The following METTL25 variants were observed in gnomAD, a reference collection of about 807,000 sequenced individuals.
METTL25 encodes methyltransferase like 25, also known as probable methyltransferase-like protein 25.
Under a neutral mutation model 71.6 loss-of-function variants are expected in METTL25, and 64 were observed. That is an observed-to-expected ratio of 0.89 (90% CI 0.73 to 1.10). METTL25 has a LOEUF of 1.10. Ranked by LOEUF, METTL25 falls within the 50% of genes least tolerant of loss-of-function variation. METTL25 has a pLI of 0.00. For synonymous variants in METTL25, 287 were observed against 250.3 expected, an observed-to-expected ratio of 1.15 and a Z score of -1.38; for missense variants, 807 against 707.0, an observed-to-expected ratio of 1.14 and a Z score of -1.60.
rs747661533 is a variant in METTL25 at position 82,477,263 on chromosome 12, C to CT, written c.1648-17dup. On this transcript the variant is annotated splice_polypyrimidine_tract_variant and intron_variant, in intron 10 of 11. Coordinates refer to ENST00000248306, the MANE Select transcript of METTL25 (RefSeq NM_032230.3). Reference sequence around the variant, plus strand: ...TTTTAAGTACCACCAACCTACCTATCTAATTTTTTTATTTTAGTTGAAAGT... The same window carrying CT: ...TTTTAAGTACCACCAACCTACCTATCTTAATTTTTTTATTTTAGTTGAAAGT... 6 of 1,328,774 alleles carry CT rather than the reference C, an allele frequency of 4.5e-6. No individual in the cohort carries two copies. The South Asian group carries it at 7.0e-5, about 15-fold the overall frequency. The allele number at this position is 1,328,774 out of a possible 1,614,324, so 82.3% of individuals were successfully genotyped here. A position where few individuals can be genotyped will look rare whatever the true frequency, so the allele number is the denominator to read the frequency against.
intron 1 of METTL25, among the ~76,000 whole-genome samples, chr12:82,361,163 ATT>A (rs1263449604): frequency 6.6e-6 from 1 of 152,092 alleles, no homozygotes; most frequent in Non-Finnish European, 1.5e-5. Context: ...TGATTGGTGC[ATT>A]TACAATCCCT....
chr12:82,423,935 C>G (rs7968677), intron 5 of METTL25, among the ~76,000 whole-genome samples: 140,195 of 152,210 alleles, frequency 0.92, 64,922 homozygotes, highest in East Asian at 1. Flanking sequence ...TACACTGTTG[C>G]TGGGACTGTA....
chr12:82,453,498 C>A (rs935905830), intron 8 of METTL25, among the ~76,000 whole-genome samples: 1 of 152,096 alleles, frequency 6.6e-6, no homozygotes, highest in African/African-American at 2.4e-5. Context: ...ACTTTAAAAT[C>A]TTTAAAATGG....
intron 9 of METTL25, chr12:82,469,091 A>G (rs558212056): frequency 1.5e-4 from 23 of 152,310 alleles, no homozygotes; most frequent in African/African-American, 5.1e-4. Flanking sequence ...TGACATAACA[A>G]TCAAACTCAT....
intron 1 of METTL25, among the ~76,000 whole-genome samples, chr12:82,368,716 T>A (rs1275084653): frequency 6.6e-6 from 1 of 152,220 alleles, no homozygotes; most frequent in Non-Finnish European, 1.5e-5. Context: ...ATACAATGAT[T>A]TAAATATTTT....
At chr12:82,467,792 G>T (rs1248024408) in intron 9 of METTL25, among the ~76,000 whole-genome samples, 1 of 151,756 alleles carries the variant, frequency 6.6e-6, no homozygotes, top group Non-Finnish European at 1.5e-5. Context: ...ATCTATTTGG[G>T]GTCTTTGAGC....
chr12:82,394,197 C>G (rs1333297688), intron 3 of METTL25, among the ~76,000 whole-genome samples: 2 of 152,066 alleles, frequency 1.3e-5, no homozygotes, highest in East Asian at 3.9e-4. Context: ...CAAATGTCTA[C>G]TATGTCCATT....
At chr12:82,437,611 C>T (rs150681478) in intron 7 of METTL25, among the ~76,000 whole-genome samples, 183 of 151,778 alleles carry the variant, frequency 1.2e-3, no homozygotes, top group African/African-American at 4.4e-3. Flanking sequence ...CTATAAACTC[C>T]ATCTGAATTA....
At chr12:82,379,237 CTAAG>C (rs1440277795) in intron 1 of METTL25, among the ~76,000 whole-genome samples, 2 of 151,952 alleles carry the variant, frequency 1.3e-5, no homozygotes, top group East Asian at 3.9e-4. Flanking sequence ...AAATGACAAC[CTAAG>C]TAAGAAATGA....
intron 5 of METTL25, chr12:82,408,095 A>G (rs541164175): frequency 8.1e-5 from 21 of 258,294 alleles, no homozygotes; most frequent in Admixed American, 3.9e-4. Flanking sequence ...GGACTTGAAT[A>G]TAAGTATGAT....
intron 7 of METTL25, among the ~76,000 whole-genome samples, chr12:82,437,547 A>AG (rs1386715324): frequency 6.6e-6 from 1 of 151,710 alleles, no homozygotes; most frequent in African/African-American, 2.4e-5. Flanking sequence ...ATGTTAAATA[A>AG]GGGAGAGGGG....
At chr12:82,381,177 T>A (rs1884410706) in intron 1 of METTL25, among the ~76,000 whole-genome samples, 1 of 152,258 alleles carries the variant, frequency 6.6e-6, no homozygotes, top group South Asian at 2.1e-4. Context: ...CTGAATTGTT[T>A]ATTTTTTATT....
intron 4 of METTL25, among the ~76,000 whole-genome samples, chr12:82,402,609 T>C (rs750003054): frequency 2.8e-4 from 42 of 152,176 alleles, no homozygotes; most frequent in Non-Finnish European, 4.9e-4. Context: ...TAGAATACTT[T>C]CTAGGTAGAA....
Position 82,479,110 on chromosome 12 carries a change from C to A in METTL25, c.*86C>A. 1.9e-6 allele frequency: 2 copies of A among 1,031,800 alleles called. No individual in the cohort carries two copies. The highest frequency in any genetic ancestry group is 2.9e-6 in the Non-Finnish European group (2 of 688,796). The allele number at this position is 1,031,800 out of a possible 1,614,324, so 63.9% of individuals were successfully genotyped here. A position where few individuals can be genotyped will look rare whatever the true frequency, so the allele number is the denominator to read the frequency against. On this transcript the variant is annotated 3_prime_UTR_variant, in exon 12 of 12. Coordinates refer to ENST00000248306, the MANE Select transcript of METTL25 (RefSeq NM_032230.3). ...TTCTAAACATATATGTCCTGTTATACAAAAATTTTTAAATGACTGTTATGT... is the reference window on the plus strand; with the variant it reads ...TTCTAAACATATATGTCCTGTTATAAAAAAATTTTTAAATGACTGTTATGT...
At chr12:82,394,954 G>T (rs913768072) in intron 3 of METTL25, among the ~76,000 whole-genome samples, 1 of 151,682 alleles carries the variant, frequency 6.6e-6, no homozygotes, top group Non-Finnish European at 1.5e-5. Context: ...AAACATCCAG[G>T]AAGTCAGATT....
intron 5 of METTL25, among the ~76,000 whole-genome samples, chr12:82,413,571 A>C (rs962702657): frequency 3.2e-4 from 48 of 152,058 alleles, no homozygotes; most frequent in African/African-American, 1.1e-3. Flanking sequence ...CTGTCTCTGC[A>C]GTATTGTGAC....
chr12:82,396,583 A>C (rs968077990), intron 3 of METTL25, among the ~76,000 whole-genome samples: 3 of 152,064 alleles, frequency 2.0e-5, no homozygotes, highest in African/African-American at 7.2e-5. Flanking sequence ...ATGAAATGAC[A>C]TGGCAATTAT....
chr12:82,372,911 T>C (rs1156737799), intron 1 of METTL25, among the ~76,000 whole-genome samples: 1 of 152,186 alleles, frequency 6.6e-6, no homozygotes, highest in East Asian at 1.9e-4. Flanking sequence ...CCCTGGACCC[T>C]GCTGATCAGA....
chr12:82,471,745 A>C (rs1437797987), intron 9 of METTL25, among the ~76,000 whole-genome samples: 1 of 152,226 alleles, frequency 6.6e-6, no homozygotes, highest in African/African-American at 2.4e-5. Context: ...TTATTTAAAA[A>C]TACTATAGAA....
Sources: gnomAD v4.1 joint callset for allele counts (sites outside exome capture counted in the v4.1 genomes callset) on GRCh38, gnomAD v4.1.1 for gene constraint, MANE v1.5 for transcripts, NCBI Gene and HGNC (gene_info 2026-07-23, HGNC 2026-07-21) for gene names.